The following GNAS variants were observed in gnomAD, a reference collection of about 807,000 sequenced individuals.
The protein encoded by GNAS is protein ALEX.
A neutral mutation model predicts 54.5 loss-of-function variants in GNAS; 8 were observed. The ratio of observed to expected loss-of-function variants is 0.15; its 90% confidence interval spans 0.09 to 0.26. GNAS has a LOEUF of 0.26. Ranked by LOEUF, GNAS falls within the 10% of genes least tolerant of loss-of-function variation. GNAS has a pLI of 1.00. For synonymous variants in GNAS, 204 were observed against 191.4 expected (o/e 1.07, Z -0.54); for missense variants, 170 against 529.8 (o/e 0.32, Z 6.67).
intron 1 of GNAS, chr20:58,854,418 G>T: frequency 2.5e-6 from 4 of 1,569,116 alleles, no homozygotes; most frequent in Non-Finnish European, 3.5e-6. Flanking sequence ...TGCCGCCGGG[G>T]CAGCCTCAGC....
intron 1 of GNAS, chr20:58,855,747 C>T: frequency 3.2e-6 from 2 of 620,388 alleles, no homozygotes; most frequent in East Asian, 2.7e-5. Flanking sequence ...AGGCGCGCCC[C>T]GCCTCGCCTG....
chr20:58,854,779 C>T (rs1265280451), intron 1 of GNAS: 1 of 1,565,136 alleles, frequency 6.4e-7, no homozygotes, highest in Non-Finnish European at 8.6e-7. Flanking sequence ...GCTTCTGCCA[C>T]CCGGGCAGCC....
chr20:58,909,159 C>T lies in GNAS; in HGVS notation c.531-3C>T. ...ACCCCACGTGTCTTTCTTTTTCTCCCAGCTTCCTGGACAAGATCGACGTGA... is the reference window on the plus strand; with the variant it reads ...ACCCCACGTGTCTTTCTTTTTCTCCTAGCTTCCTGGACAAGATCGACGTGA... On this transcript the variant is annotated splice_polypyrimidine_tract_variant and splice_region_variant and intron_variant, in intron 6 of 12. Transcript: ENST00000371085. The surrounding 1 kb of genome is among the most constrained non-coding windows in gnomAD (Gnocchi z 7.3). 6.2e-7 allele frequency: 1 copy of T among 1,613,818 alleles called. No individual in the cohort carries two copies. The highest frequency in any genetic ancestry group is 8.5e-7 in the Non-Finnish European group (1 of 1,179,754).
In GNAS at chr20:58,910,645, A is replaced by G; in HGVS notation, c.1039-38A>G. ...ATCAGGGATAGGGTGGTTCCTGGCG[A>G]GGGTGTCACTGACAAGTCCCCTTGT... On this transcript the variant is annotated intron_variant, in intron 12 of 12. Coordinates refer to ENST00000371085, the MANE Select transcript of GNAS (RefSeq NM_000516.7). The surrounding 1 kb of genome is among the most constrained non-coding windows in gnomAD (Gnocchi z 5.8). 6.2e-7 allele frequency: 1 copy of G among 1,613,344 alleles called. No homozygotes were observed. The highest frequency in any genetic ancestry group is 2.2e-5 in the East Asian group (1 of 44,854).
In GNAS at chr20:58,857,241, T is replaced by G. The variant is rs1368481765; in HGVS notation, c.43+16355T>G. 1 of 152,266 alleles carries G rather than the reference T, an allele frequency of 6.6e-6. No individual in the cohort carries two copies. Among genetic ancestry groups the G allele is most frequent in the East Asian group, 1.9e-4 (1 of 5,206 alleles). The allele number at this position is 152,266 out of a possible 1,614,324, so 9.4% of individuals were successfully genotyped here. A position where few individuals can be genotyped will look rare whatever the true frequency, so the allele number is the denominator to read the frequency against. The stretch of plus-strand genomic sequence containing the variant: ...GATGTGGCTCTCACAAATCACAATT[T>G]TAAATGTGAGGATCATTTTGTGTAT... On this transcript the variant is annotated intron_variant, in intron 1 of 12. Coordinates refer to the GNAS transcript ENST00000306090. This position sits in a 1 kb window ranked among gnomAD's most constrained non-coding sequence, Gnocchi z 4.1.
chr20:58,865,767 A>C (rs568096909), intron 1 of GNAS, among the ~76,000 whole-genome samples: 49 of 152,098 alleles, frequency 3.2e-4, no homozygotes, highest in Admixed American at 7.2e-4. Context: ...TAGAAATCTC[A>C]GAGAAGAAAG....
chr20:58,845,403 G>A (rs1280143827), intron 1 of GNAS, among the ~76,000 whole-genome samples: 6 of 151,884 alleles, frequency 4.0e-5, no homozygotes, highest in Non-Finnish European at 8.8e-5. Flanking sequence ...TAATACCATG[G>A]ACATACAGCT....
In GNAS at chr20:58,853,569, A is replaced by AT. The variant is rs1369818311; in HGVS notation, c.43+12684dup. The AT allele has an allele frequency of 6.2e-7, 1 of 1,613,282 alleles. No homozygotes were observed. Among genetic ancestry groups the AT allele is most frequent in the Non-Finnish European group, 8.5e-7 (1 of 1,179,870 alleles). ...CTACAGCCCACCTCCTGAGGAAGCA[A>AT]TGCCCTTCGAGGCTGAACAGCCCAG... On this transcript the variant is annotated intron_variant, in intron 1 of 12. Coordinates refer to the GNAS transcript ENST00000306090. The surrounding 1 kb of genome is among the most constrained non-coding windows in gnomAD (Gnocchi z 4.4).
chr20:58,899,389 C>T, intron 3 of GNAS: 1 of 520,494 alleles, frequency 1.9e-6, no homozygotes, highest in South Asian at 1.5e-5. Flanking sequence ...AATTTCAGAC[C>T]TCTTTGAAAC....
Position 58,907,590 on chromosome 20 carries a change from T to C in GNAS, c.531-1572T>C, listed in dbSNP as rs144353532. Reference sequence around the variant, plus strand: ...ACAGTAGCTTAGCCAGATTGTTGAATTTTGTCGGGTTTCGTTTTCTCTCTC... The same window carrying C: ...ACAGTAGCTTAGCCAGATTGTTGAACTTTGTCGGGTTTCGTTTTCTCTCTC... On this transcript the variant is annotated intron_variant, in intron 6 of 12. Transcript: ENST00000371085. Among the ~76,000 whole-genome samples, 143 of 152,316 alleles carry C rather than the reference T, an allele frequency of 9.4e-4. 1 individual carries two copies. The highest frequency in any genetic ancestry group is 3.2e-3 in the African/African-American group (135 of 41,566).
At chr20:58,904,556 GA>G (rs2146197908) in intron 5 of GNAS, among the ~76,000 whole-genome samples, 1 of 152,348 alleles carries the variant, frequency 6.6e-6, no homozygotes, top group African/African-American at 2.4e-5. Context: ...CGGGAAACGA[GA>G]TGGAAAGATG....
At chr20:58,842,369 C>T (rs570239857) in intron 1 of GNAS, 66 of 398,098 alleles carry the variant, frequency 1.7e-4, no homozygotes, top group Non-Finnish European at 2.3e-4. Flanking sequence ...GTTTTGAGGG[C>T]TTGAGATGAA....
At chr20:58,896,959 C>T (rs559751877) in intron 2 of GNAS, among the ~76,000 whole-genome samples, 1 of 152,166 alleles carries the variant, frequency 6.6e-6, no homozygotes, top group South Asian at 2.1e-4. Flanking sequence ...ACTTTTTCAC[C>T]TTTCAGAGCA....
At chr20:58,849,016 T>C (rs1308961540) in intron 1 of GNAS, 1 of 397,110 alleles carries the variant, frequency 2.5e-6, no homozygotes, top group African/African-American at 2.1e-5. Context: ...ATTAAGGCAA[T>C]TCCTATTTAA....
chr20:58,883,332 G>A lies in GNAS; in HGVS notation c.44-12280G>A, dbSNP rs117844021. Among the ~76,000 whole-genome samples, 876 of 152,280 alleles carry A rather than the reference G, an allele frequency of 5.8e-3. 6 individuals are homozygous for A. Among genetic ancestry groups the A allele is most frequent in the Non-Finnish European group, 8.9e-3 (608 of 68,026 alleles). On this transcript the variant is annotated intron_variant, in intron 1 of 12. Coordinates refer to the GNAS transcript ENST00000306090. ...CGGTGTAATTAGCACAAAAGGAGCC[G>A]TAATCTGAGAAGGTAGTAGAGACTA...
chr20:58,839,867 T>C (rs2085654623), upstream of GNAS: 2 of 596,942 alleles, frequency 3.4e-6, no homozygotes, highest in East Asian at 2.8e-5. Context: ...TTCCCCTTTT[T>C]TCCCATCCCT....
chr20:58,875,862 T>A (rs1259563469), intron 1 of GNAS, among the ~76,000 whole-genome samples: 1 of 152,236 alleles, frequency 6.6e-6, no homozygotes, highest in African/African-American at 2.4e-5. Context: ...TTGCTTTACT[T>A]TCTTTAAAAA....
intron 1 of GNAS, among the ~76,000 whole-genome samples, chr20:58,864,928 G>GAC (rs144642876): frequency 0.033 from 4,591 of 138,828 alleles, 82 homozygotes; most frequent in Middle Eastern, 0.058. Flanking sequence ...CTACCTACCA[G>GAC]ACACACACAC....
At chr20:58,908,812 A>C in intron 6 of GNAS, 1 of 331,184 alleles carries the variant, frequency 3.0e-6, no homozygotes, top group Non-Finnish European at 5.8e-6. Flanking sequence ...AAAGAATAAA[A>C]AAGAAAAATA....
Sources: gnomAD v4.1 joint callset for allele counts (sites outside exome capture counted in the v4.1 genomes callset) on GRCh38, gnomAD v4.1.1 for gene constraint, Gnocchi (gnomAD v3.1) non-coding constraint, MANE v1.5 for transcripts, NCBI Gene and HGNC (gene_info 2026-07-23, HGNC 2026-07-21) for gene names.